The following CDH13 variants were observed in gnomAD, a reference collection of about 807,000 sequenced individuals.
CDH13 encodes the protein cadherin 13.
A neutral mutation model predicts 63.8 loss-of-function variants in CDH13; 24 were observed. The observed-to-expected ratio is 0.38, with a 90% CI of 0.27 to 0.53. CDH13 has a LOEUF of 0.53. Among genes scored for constraint, CDH13 ranks in the 20% least tolerant of loss-of-function variants. The pLI, the probability that CDH13 is intolerant of heterozygous loss-of-function variation, is 0.85. For missense variants in CDH13, 1,049 were observed against 903.1 expected (o/e 1.16, Z -2.07); for synonymous variants, 503 against 355.3 (o/e 1.42, Z -4.67).
chr16:83,727,699 CTT>C (rs1910573467), intron 10 of CDH13, among the ~76,000 whole-genome samples: 1 of 152,092 alleles, frequency 6.6e-6, no homozygotes, highest in Non-Finnish European at 1.5e-5. Flanking sequence ...CCAAAAAAGT[CTT>C]AGGCTTGCTA....
chr16:82,863,865 A>G (rs1449493606), intron 2 of CDH13, among the ~76,000 whole-genome samples: 1 of 149,558 alleles, frequency 6.7e-6, no homozygotes, highest in Non-Finnish European at 1.5e-5. Context: ...AATTTTTTTA[A>G]ATCCTAGATT....
intron 6 of CDH13, among the ~76,000 whole-genome samples, chr16:83,466,544 CT>C (rs1340358094): frequency 6.6e-6 from 1 of 152,204 alleles, no homozygotes; most frequent in Non-Finnish European, 1.5e-5. Flanking sequence ...AACATTTTCC[CT>C]TAACACACTC....
chr16:83,124,051 G>T (rs1296708276), intron 3 of CDH13, among the ~76,000 whole-genome samples: 1 of 152,026 alleles, frequency 6.6e-6, no homozygotes, highest in African/African-American at 2.4e-5. Flanking sequence ...TCTTTTGTTT[G>T]TTTGTTTGTT....
intron 3 of CDH13, among the ~76,000 whole-genome samples, chr16:83,122,851 G>A (rs1011530966): frequency 6.6e-6 from 1 of 152,110 alleles, no homozygotes; most frequent in Non-Finnish European, 1.5e-5. Flanking sequence ...AGTGGGAAGT[G>A]TGGCCTTTTA....
intron 5 of CDH13, among the ~76,000 whole-genome samples, chr16:83,229,326 T>G (rs7196902): frequency 0.61 from 92,984 of 152,096 alleles, 30,355 homozygotes; most frequent in East Asian, 0.86. Flanking sequence ...TCCCTGGAGC[T>G]CTGCCTTCAA....
In CDH13 at chr16:83,158,201, G is replaced by A. The variant is rs150928601; in HGVS notation, c.483+32700G>A. Among the ~76,000 whole-genome samples the A allele has an allele frequency of 1.2e-3, 176 of 152,022 alleles. 1 individual carries two copies. The highest frequency in any genetic ancestry group is 4.0e-3 in the African/African-American group (167 of 41,472). On this transcript the variant is annotated intron_variant, in intron 4 of 13. Coordinates refer to ENST00000567109, the MANE Select transcript of CDH13 (RefSeq NM_001257.5). ...ACAACAAGGTCAGAGGCAATCCCTC[G>A]CCTTCACCTCTCATCTTATTTTTAA...
chr16:83,421,576 T>C (rs573894506), intron 6 of CDH13, among the ~76,000 whole-genome samples: 1 of 152,258 alleles, frequency 6.6e-6, no homozygotes, highest in East Asian at 1.9e-4. Context: ...AGAAGATTCA[T>C]GATCTTTTCT....
At chr16:83,033,203 GCTC>G (rs1916535319) in intron 3 of CDH13, among the ~76,000 whole-genome samples, 1 of 152,064 alleles carries the variant, frequency 6.6e-6, no homozygotes, top group Admixed American at 6.6e-5. Context: ...ACCTACTCAT[GCTC>G]CTCCTGTTGT....
chr16:83,158,987 C>T (rs537822581), intron 4 of CDH13, among the ~76,000 whole-genome samples: 2 of 152,306 alleles, frequency 1.3e-5, no homozygotes, highest in East Asian at 1.9e-4. Flanking sequence ...TGAATTTCAT[C>T]CTTTGCCTCT....
At chr16:83,029,641 C>T (rs557754048) in intron 2 of CDH13, among the ~76,000 whole-genome samples, 52 of 152,238 alleles carry the variant, frequency 3.4e-4, no homozygotes, top group South Asian at 1.7e-3. Context: ...TGTATGACCA[C>T]ATTAGATGCC....
intron 10 of CDH13, among the ~76,000 whole-genome samples, chr16:83,720,319 GCACACACATT>G (rs996366834): frequency 1.4e-5 from 2 of 140,414 alleles, no homozygotes; most frequent in African/African-American, 5.1e-5. Flanking sequence ...GCACACACAT[GCACACACATT>G]CACACATGTG....
chr16:82,678,593 G>T (rs1396309235), intron 1 of CDH13, among the ~76,000 whole-genome samples: 1 of 152,214 alleles, frequency 6.6e-6, no homozygotes, highest in Non-Finnish European at 1.5e-5. Context: ...GACTGGTAAG[G>T]AGGGTGAATC....
intron 1 of CDH13, among the ~76,000 whole-genome samples, chr16:82,846,130 T>G (rs1198652505): frequency 6.6e-6 from 1 of 152,224 alleles, no homozygotes; most frequent in Non-Finnish European, 1.5e-5. Context: ...TTTCTTGAAC[T>G]GGCATGCTAT....
At chr16:83,006,909 TTTGTTTG>T (rs1913566994) in intron 2 of CDH13, among the ~76,000 whole-genome samples, 1 of 125,988 alleles carries the variant, frequency 7.9e-6, no homozygotes, top group African/African-American at 2.9e-5. Flanking sequence ...ATTTTTTTTG[TTTGTTTG>T]TTTGTTTGTT....
chr16:83,382,432 C>T (rs1451266841), intron 6 of CDH13, among the ~76,000 whole-genome samples: 2 of 152,068 alleles, frequency 1.3e-5, no homozygotes, highest in African/African-American at 2.4e-5. Flanking sequence ...CTTCCATACC[C>T]CCTCATGCTG....
At chr16:83,042,951 T>G (rs1264260070) in intron 3 of CDH13, among the ~76,000 whole-genome samples, 20 of 152,212 alleles carry the variant, frequency 1.3e-4, no homozygotes, top group Admixed American at 1.3e-3. Context: ...AAAAAACCTG[T>G]GAAGTACCAT....
chr16:83,366,487 G>A (rs1222365719), intron 6 of CDH13, among the ~76,000 whole-genome samples: 4 of 152,094 alleles, frequency 2.6e-5, no homozygotes, highest in African/African-American at 7.2e-5. Context: ...AATTCACCTC[G>A]CTTTCCCAGA....
intron 1 of CDH13, among the ~76,000 whole-genome samples, chr16:82,645,683 T>C (rs936043608): frequency 1.3e-5 from 2 of 152,186 alleles, no homozygotes; most frequent in African/African-American, 4.8e-5. Flanking sequence ...TATCCTGTTA[T>C]TACTAGGAGG....
intron 5 of CDH13, among the ~76,000 whole-genome samples, chr16:83,276,000 A>C (rs1207620910): frequency 6.6e-6 from 1 of 152,188 alleles, no homozygotes; most frequent in Non-Finnish European, 1.5e-5. Context: ...AAACAATTAT[A>C]ACAGAAGGAA....
Sources: allele counts gnomAD v4.1 joint callset (sites outside exome capture counted in the v4.1 genomes callset), GRCh38; gene constraint gnomAD v4.1.1; transcripts MANE v1.5; gene names NCBI Gene and HGNC (gene_info 2026-07-23, HGNC 2026-07-21).